The following TRANK1 variants were observed in gnomAD, a reference collection of about 807,000 sequenced individuals.
TRANK1 encodes tetratricopeptide repeat and ankyrin repeat containing 1.
In TRANK1, 198 loss-of-function variants were observed where a neutral mutation model predicts 266.0. The observed-to-expected ratio is 0.74, with a 90% CI of 0.66 to 0.84. The LOEUF is 0.84. Ranked by LOEUF, TRANK1 falls within the 40% of genes least tolerant of loss-of-function variation. The pLI, the probability that TRANK1 is intolerant of heterozygous loss-of-function variation, is 0.00. For synonymous variants in TRANK1, 1,396 were observed against 1,384.1 expected (o/e 1.01, Z -0.19); for missense variants, 3,326 against 3,634.6 (o/e 0.92, Z 2.18).
rs2078643234 is a variant in TRANK1, at chr3:36,827,335, C to T, written c.*940G>A. 1 of 152,318 alleles carries T rather than the reference C, an allele frequency of 6.6e-6. No homozygotes were observed. Among genetic ancestry groups the T allele is most frequent in the African/African-American group, 2.4e-5 (1 of 41,462 alleles). The allele number at this position is 152,318 out of a possible 1,614,324, so 9.4% of individuals were successfully genotyped here. A position where few individuals can be genotyped will look rare whatever the true frequency, so the allele number is the denominator to read the frequency against. ...TGTCCACTTGCTCCAATCTGCAGCT[C>T]TGCAGGTCACCATCCCACAGTGATG... On this transcript the variant is annotated 3_prime_UTR_variant, in exon 24 of 24. Coordinates refer to ENST00000645898, the MANE Select transcript of TRANK1 (RefSeq NM_001329998.2).
chr3:36,871,617 A>C (rs1356497439), intron 9 of TRANK1, among the ~76,000 whole-genome samples: 2 of 152,190 alleles, frequency 1.3e-5, no homozygotes, highest in Non-Finnish European at 2.9e-5. Flanking sequence ...ATTCCTAAAA[A>C]CATGAGGTCA....
intron 17 of TRANK1, among the ~76,000 whole-genome samples, chr3:36,845,907 T>C (rs954854084): frequency 2.0e-5 from 3 of 152,224 alleles, no homozygotes; most frequent in African/African-American, 4.8e-5. Context: ...GGTCAAAGTA[T>C]GTACCATCTT....
chr3:36,855,078 G>T, intron 13 of TRANK1, 95 bp downstream of exon 13: 2 of 1,151,596 alleles, frequency 1.7e-6, no homozygotes, highest in Non-Finnish European at 1.2e-6. Flanking sequence ...TACTTCAGCT[G>T]TAAAAACCTA....
intron 4 of TRANK1, among the ~76,000 whole-genome samples, chr3:36,896,168 T>C (rs1004066409): frequency 6.6e-6 from 1 of 152,222 alleles, no homozygotes; most frequent in Non-Finnish European, 1.5e-5. Context: ...TTAGAAACTA[T>C]GACAAATGAA....
chr3:36,935,248 T>C (rs1318654062), intron 1 of TRANK1, among the ~76,000 whole-genome samples: 2 of 152,164 alleles, frequency 1.3e-5, no homozygotes, highest in Non-Finnish European at 2.9e-5. Context: ...CCACAGTCAC[T>C]GCTGCTGCTC....
In TRANK1 at chr3:36,872,212, C is replaced by A. The variant is rs757390439; in HGVS notation, c.1078+1914G>T. Among the ~76,000 whole-genome samples, 4 of 152,210 alleles carry A rather than the reference C, an allele frequency of 2.6e-5. No homozygotes were observed. In the East Asian group the frequency reaches 7.7e-4, roughly 29 times the overall value. ...AGTCAGGAGTTCGAGATCAGCCTGG[C>A]CAACATGATGAAATCCAGTCTCTAC... On this transcript the variant is annotated intron_variant, in intron 9 of 23. Transcript: ENST00000645898.
intron 1 of TRANK1, among the ~76,000 whole-genome samples, chr3:36,937,802 T>C (rs1279249199): frequency 6.6e-6 from 1 of 152,190 alleles, no homozygotes; most frequent in Non-Finnish European, 1.5e-5. Flanking sequence ...AACTATGAAG[T>C]TGGGAGCAGC....
chr3:36,907,463 T>TTC, intron 2 of TRANK1, among the ~76,000 whole-genome samples: 1 of 142,792 alleles, frequency 7.0e-6, no homozygotes, highest in Non-Finnish European at 1.5e-5. Context: ...TTATTGATTT[T>TTC]TTTTTTTTTT....
chr3:36,928,193 G>A (rs2080314338), intron 1 of TRANK1, among the ~76,000 whole-genome samples: 1 of 152,086 alleles, frequency 6.6e-6, no homozygotes, highest in Non-Finnish European at 1.5e-5. Context: ...GCAAAACCAA[G>A]GTACGCCCAA....
chr3:36,859,665 T>C (rs1046993381), intron 11 of TRANK1, among the ~76,000 whole-genome samples: 3 of 152,182 alleles, frequency 2.0e-5, no homozygotes, highest in Non-Finnish European at 2.9e-5. Context: ...CCACCCACTA[T>C]AGATCTGCAG....
intron 2 of TRANK1, among the ~76,000 whole-genome samples, chr3:36,904,847 T>A (rs2079938888): frequency 6.6e-6 from 1 of 152,108 alleles, no homozygotes; most frequent in South Asian, 2.1e-4. Flanking sequence ...CATTCCCAGC[T>A]GCAATGTCTG....
Position 36,833,184 on chromosome 3 carries a change from G to A in TRANK1, c.6399C>T (p.Asp2133=). Residue 2133 remains aspartate (D), a synonymous_variant, in exon 22 of 24, where the codon GAC becomes GAT. Transcript: ENST00000645898. The part of the protein sequence containing the change: ...DAKYCQIAQN[D]PGPILRIIFD... ...AAATTATTCTTAATATGGGCCCAGGGTCATTCTGAGCTATCTGGCAATACT... is the reference window on the plus strand; with the variant it reads ...AAATTATTCTTAATATGGGCCCAGGATCATTCTGAGCTATCTGGCAATACT... 1 of 1,613,856 alleles carries A rather than the reference G, an allele frequency of 6.2e-7. No individual in the cohort carries two copies. The highest frequency in any genetic ancestry group is 1.1e-5 in the South Asian group (1 of 91,048).
At chr3:36,844,560 T>A in intron 17 of TRANK1, among the ~76,000 whole-genome samples, 1 of 152,074 alleles carries the variant, frequency 6.6e-6, no homozygotes, top group South Asian at 2.1e-4. Context: ...CAGAACATAC[T>A]TGGGGAATAA....
intron 9 of TRANK1, among the ~76,000 whole-genome samples, chr3:36,871,217 G>T (rs1436745683): frequency 6.6e-6 from 1 of 151,920 alleles, no homozygotes. Flanking sequence ...CTGAAACCCC[G>T]TCCCTACTAA....
At chr3:36,850,216 AG>A in intron 15 of TRANK1, 1 of 985,460 alleles carries the variant, frequency 1.0e-6, no homozygotes, top group Admixed American at 6.1e-5. Flanking sequence ...TAGAAAAAAA[AG>A]TTAGTCCTCA....
rs185333973 is a variant in TRANK1, at chr3:36,852,336, T to C, written c.4559A>G (p.Asn1520Ser). 1.8e-5 allele frequency: 28 copies of C among 1,575,498 alleles called. No homozygotes were observed. In the Admixed American group the frequency reaches 2.4e-4, roughly 14 times the overall value. The change falls in exon 14 of 24, where the codon AAT (asparagine) becomes AGT (serine). Residue 1520 changes from asparagine to serine, a missense_variant. Transcript: ENST00000645898. ...QNYRSHSGIL[N>S]LASGVVDLLQ... ...TAAATCCACCACTCCAGATGCCAGATTGAGGATTCCTGGAATGAAACAGAA... is the reference window on the plus strand; with the variant it reads ...TAAATCCACCACTCCAGATGCCAGACTGAGGATTCCTGGAATGAAACAGAA...
intron 1 of TRANK1, among the ~76,000 whole-genome samples, chr3:36,937,645 A>G (rs2080442633): frequency 6.6e-6 from 1 of 152,234 alleles, no homozygotes. Context: ...GCATTCCACA[A>G]TGTCTCAAGA....
intron 8 of TRANK1, 50 bp downstream of exon 8, chr3:36,889,779 C>T: frequency 6.7e-7 from 1 of 1,493,490 alleles, no homozygotes; most frequent in Non-Finnish European, 8.9e-7. Flanking sequence ...GTCCTCAAAG[C>T]CTGACACCAG....
In TRANK1 at chr3:36,892,273, G is replaced by C; in HGVS notation, c.704C>G (p.Ser235Cys). 1 of 1,537,172 alleles carries C rather than the reference G, an allele frequency of 6.5e-7. No homozygotes were observed. The highest frequency in any genetic ancestry group is 8.7e-7 in the Non-Finnish European group (1 of 1,146,884). Reference protein sequence around the residue: ...QVPKLVQWLISIGASVETIGP... With the variant: ...QVPKLVQWLICIGASVETIGP... ...TATAGTCTCAACACTTGCACCAATG[G>C]AGATGAGCCACTGGACTAACTTGGG... The change falls in exon 7 of 24, where the codon TCC (serine) becomes TGC (cysteine). Residue 235 changes from serine to cysteine, a missense_variant. Transcript: ENST00000645898.
Sources: allele counts gnomAD v4.1 joint callset (sites outside exome capture counted in the v4.1 genomes callset), GRCh38; gene constraint gnomAD v4.1.1; transcripts MANE v1.5; gene names NCBI Gene and HGNC (gene_info 2026-07-23, HGNC 2026-07-21).